METAP1: variants seen among roughly 807,000 people sequenced by gnomAD.
METAP1 encodes methionine aminopeptidase 1.
Under a neutral mutation model 53.8 loss-of-function variants are expected in METAP1, and 28 were observed. The observed-to-expected ratio is 0.52, with a 90% CI of 0.39 to 0.71. The LOEUF is 0.71. Ranked by LOEUF, METAP1 falls within the 30% of genes least tolerant of loss-of-function variation. The probability of loss-of-function intolerance (pLI) is 0.00; values close to 1 mark genes in which losing one functional copy is unlikely to be tolerated. For synonymous variants in METAP1, 181 were observed against 165.7 expected (o/e 1.09, Z -0.71); for missense variants, 389 against 479.8 (o/e 0.81, Z 1.77).
At chr4:99,017,421 C>T (rs1723831463) in intron 1 of METAP1, among the ~76,000 whole-genome samples, 1 of 152,252 alleles carries the variant, frequency 6.6e-6, no homozygotes, top group African/African-American at 2.4e-5. Flanking sequence ...AAGAGTTTCT[C>T]CATCCACCAC....
intron 4 of METAP1, chr4:99,036,170 A>G (rs1725407683): frequency 2.6e-5 from 4 of 153,882 alleles, no homozygotes; most frequent in African/African-American, 9.6e-5. Flanking sequence ...TTGCATGTCA[A>G]AGAAGGTCGA....
chr4:99,031,397 A>G (rs961072949), intron 2 of METAP1: 2 of 1,226,794 alleles, frequency 1.6e-6, no homozygotes, highest in African/African-American at 1.6e-5. Flanking sequence ...AGTATCTTGA[A>G]TAGCCAAAAT....
At chr4:99,022,950 A>G in intron 1 of METAP1, 1 of 1,489,192 alleles carries the variant, frequency 6.7e-7, no homozygotes, top group Non-Finnish European at 9.1e-7. Flanking sequence ...GGTTGCGGAC[A>G]TGTAGGGGCT....
At chr4:98,998,525 GA>G (rs546362741) in intron 1 of METAP1, among the ~76,000 whole-genome samples, 2 of 151,384 alleles carry the variant, frequency 1.3e-5, no homozygotes, top group African/African-American at 4.8e-5. Context: ...TCCGTCTCAA[GA>G]AAAAAACAAA....
At chr4:99,029,135 T>G (rs1724803054) in intron 2 of METAP1, among the ~76,000 whole-genome samples, 1 of 152,194 alleles carries the variant, frequency 6.6e-6, no homozygotes, top group Non-Finnish European at 1.5e-5. Context: ...CATGAAAACA[T>G]GAGATAGTTG....
chr4:99,025,485 TTC>T (rs2110322401), intron 1 of METAP1: 1 of 977,110 alleles, frequency 1.0e-6, no homozygotes, highest in Admixed American at 6.1e-5. Flanking sequence ...TTCCCAGAGA[TTC>T]TGATTGAATT....
At chr4:98,998,589 C>T (rs1722758101) in intron 1 of METAP1, among the ~76,000 whole-genome samples, 1 of 152,164 alleles carries the variant, frequency 6.6e-6, no homozygotes, top group African/African-American at 2.4e-5. Flanking sequence ...TTCCTTAACA[C>T]TTCTGTGATC....
rs74772928 is a variant in METAP1, at chr4:99,041,849, A to G, written c.516+723A>G. ...AGAACCCTTTTGGAAGGATTTGACA[A>G]TCTATCTTGAGCTATGAAAATGTTT... On this transcript the variant is annotated intron_variant, in intron 6 of 10. Coordinates refer to ENST00000296411, the MANE Select transcript of METAP1 (RefSeq NM_015143.3). 0.022 allele frequency among the ~76,000 whole-genome samples: 3,297 copies of G among 149,814 alleles called. 625 individuals are homozygous for G. The East Asian group carries it at 0.49, about 22-fold the overall frequency.
At chr4:99,000,910 G>A (rs1722892612) in intron 1 of METAP1, among the ~76,000 whole-genome samples, 1 of 152,066 alleles carries the variant, frequency 6.6e-6, no homozygotes, top group Admixed American at 6.6e-5. Flanking sequence ...TCACCGTGTT[G>A]CCCAGGCTGG....
chr4:99,035,343 C>T, intron 3 of METAP1, 57 bp from the exon 4 acceptor site: 3 of 1,248,608 alleles, frequency 2.4e-6, no homozygotes, highest in Admixed American at 2.0e-5. Context: ...ACTTCTTTCT[C>T]CCCTCGTTTT....
intron 1 of METAP1, among the ~76,000 whole-genome samples, chr4:99,019,983 A>C (rs1723990714): frequency 6.6e-6 from 1 of 152,062 alleles, no homozygotes; most frequent in African/African-American, 2.4e-5. Flanking sequence ...ACCTTTTATA[A>C]TTAATTCTTG....
At position 98,995,831 on chromosome 4, in the gene METAP1, C is replaced by T; in HGVS notation, c.78C>T (p.Ile26=). 1 of 1,543,598 alleles carries T rather than the reference C, an allele frequency of 6.5e-7. No homozygotes were observed. Among genetic ancestry groups the T allele is most frequent in the East Asian group, 2.5e-5 (1 of 39,766 alleles). The change falls in exon 1 of 11, where the codon ATC becomes ATT. Residue 26 remains isoleucine (I), a synonymous_variant. Transcript: ENST00000296411. ...SEAKLQCPTC[I]KLGIQGSYFC... ...CCAAGCTCCAGTGTCCCACTTGCAT[C>T]AAGCTGGGCATCCAGGGCTCGTACT...
intron 9 of METAP1, among the ~76,000 whole-genome samples, chr4:99,050,356 G>A (rs1033752947): frequency 3.9e-5 from 6 of 152,204 alleles, no homozygotes; most frequent in Non-Finnish European, 7.3e-5. Flanking sequence ...ATTTTGAGAA[G>A]GCTAATTTGG....
chr4:99,045,404 CCA>C, intron 8 of METAP1, 94 bp downstream of exon 8: 1 of 1,387,614 alleles, frequency 7.2e-7, no homozygotes, highest in Non-Finnish European at 9.6e-7. Context: ...CTTGTACCTT[CCA>C]GGTTGCCCCT....
At chr4:99,017,356 G>C (rs1475622416) in intron 1 of METAP1, among the ~76,000 whole-genome samples, 1 of 152,228 alleles carries the variant, frequency 6.6e-6, no homozygotes, top group Admixed American at 6.5e-5. Flanking sequence ...AGAGCAAATA[G>C]TTCACAGCCT....
chr4:99,023,763 G>C, intron 1 of METAP1: 1 of 985,420 alleles, frequency 1.0e-6, no homozygotes. Flanking sequence ...GGAGTTAGTT[G>C]CACTGGTTAA....
intron 5 of METAP1, among the ~76,000 whole-genome samples, chr4:99,039,813 C>T (rs531371746): frequency 1.3e-5 from 2 of 152,156 alleles, no homozygotes; most frequent in South Asian, 2.1e-4. Context: ...AGGCTGGTCT[C>T]GAACTCCTGA....
intron 1 of METAP1, among the ~76,000 whole-genome samples, chr4:99,018,041 A>G (rs1389708561): frequency 1.3e-5 from 2 of 152,282 alleles, no homozygotes; most frequent in Non-Finnish European, 2.9e-5. Flanking sequence ...AGAAGTCCTT[A>G]TAAGTGGGTC....
chr4:99,010,999 T>C (rs1723439199), intron 1 of METAP1, among the ~76,000 whole-genome samples: 1 of 152,060 alleles, frequency 6.6e-6, no homozygotes, highest in East Asian at 1.9e-4. Context: ...TGCAACTGAT[T>C]TTTATGTTGA....
Sources: gnomAD v4.1 joint callset for allele counts (sites outside exome capture counted in the v4.1 genomes callset) on GRCh38, gnomAD v4.1.1 for gene constraint, MANE v1.5 for transcripts, NCBI Gene and HGNC (gene_info 2026-07-23, HGNC 2026-07-21) for gene names.